GAS2: variants seen among roughly 807,000 people sequenced by gnomAD.
GAS2 encodes growth arrest-specific protein 2.
In GAS2, 20 loss-of-function variants were observed where a neutral mutation model predicts 37.5. The observed-to-expected ratio is 0.53, with a 90% CI of 0.37 to 0.77. GAS2 has a LOEUF of 0.77. Among genes scored for constraint, GAS2 ranks in the 30% least tolerant of loss-of-function variants. The pLI is 0.00. For missense variants in GAS2, 336 were observed against 373.4 expected, an observed-to-expected ratio of 0.90 and a Z score of 0.82; for synonymous variants, 144 against 132.2, an observed-to-expected ratio of 1.09 and a Z score of -0.61.
chr11:22,710,555 T>C (rs111794037), intron 3 of GAS2, among the ~76,000 whole-genome samples: 1 of 151,902 alleles, frequency 6.6e-6, no homozygotes, highest in African/African-American at 2.4e-5. Context: ...CCTAAGGAAG[T>C]TCCTCAACTG....
chr11:22,774,254 A>G (rs909159070), intron 7 of GAS2, among the ~76,000 whole-genome samples: 9 of 152,194 alleles, frequency 5.9e-5, no homozygotes, highest in Admixed American at 6.5e-5. Context: ...TCAGCCTCCC[A>G]AAGTCCTGGG....
upstream of GAS2, among the ~76,000 whole-genome samples, chr11:22,665,219 A>C (rs1248831646): frequency 6.6e-6 from 1 of 152,190 alleles, no homozygotes; most frequent in Non-Finnish European, 1.5e-5. Flanking sequence ...AATAGGATGT[A>C]AGATTTTGAA....
intron 7 of GAS2, among the ~76,000 whole-genome samples, chr11:22,779,046 T>G (rs1353907018): frequency 3.3e-5 from 3 of 90,442 alleles, no homozygotes; most frequent in East Asian, 2.8e-4. Flanking sequence ...AAGTTTTTTG[T>G]TTTTTTTTTT....
intron 7 of GAS2, among the ~76,000 whole-genome samples, chr11:22,788,288 A>G (rs1337724394): frequency 1.3e-5 from 2 of 152,196 alleles, no homozygotes; most frequent in Admixed American, 6.5e-5. Flanking sequence ...TCTTCCTTTG[A>G]CAGGAAAAGT....
intron 7 of GAS2, among the ~76,000 whole-genome samples, chr11:22,771,218 G>T (rs1182218560): frequency 6.6e-6 from 1 of 151,602 alleles, no homozygotes; most frequent in East Asian, 1.9e-4. Context: ...TACAATATTT[G>T]TTATTTTGTT....
At chr11:22,793,036 G>A (rs1856246026) in intron 7 of GAS2, among the ~76,000 whole-genome samples, 2 of 152,204 alleles carry the variant, frequency 1.3e-5, no homozygotes. Context: ...CACTTTGAGA[G>A]GCCAAGGTGG....
chr11:22,796,332 CT>C (rs1403968752), intron 7 of GAS2, among the ~76,000 whole-genome samples: 1 of 152,116 alleles, frequency 6.6e-6, no homozygotes, highest in Non-Finnish European at 1.5e-5. Flanking sequence ...CATTGTTTGG[CT>C]TGCTTCTTTT....
At position 22,812,856 on chromosome 11, in the gene GAS2, T is replaced by A. The variant is rs1055321; in HGVS notation, c.*840T>A. The stretch of plus-strand genomic sequence containing the variant: ...GTTAATCCTATTTTGCTATGCTTTC[T>A]AGTAAAGTAAATTCACTGTAGCTAA... On this transcript the variant is annotated 3_prime_UTR_variant, in exon 8 of 8. Transcript: ENST00000454584. The A allele has an allele frequency of 0.14, 20,686 of 152,606 alleles. 1,469 individuals carry two copies. Among genetic ancestry groups the A allele is most frequent in the Non-Finnish European group, 0.15 (10,085 of 67,970 alleles). The allele number at this position is 152,606 out of a possible 1,614,324, so 9.5% of individuals were successfully genotyped here.
At chr11:22,781,986 G>T (rs1855576472) in intron 7 of GAS2, among the ~76,000 whole-genome samples, 2 of 152,216 alleles carry the variant, frequency 1.3e-5, no homozygotes, top group Admixed American at 1.3e-4. Context: ...ATCAGTTGAT[G>T]GTCTGCATTT....
At chr11:22,803,076 T>TA (rs978284705) in intron 7 of GAS2, among the ~76,000 whole-genome samples, 1 of 152,154 alleles carries the variant, frequency 6.6e-6, no homozygotes, top group African/African-American at 2.4e-5. Context: ...TTCTCATTGT[T>TA]ACGTGTTGCA....
chr11:22,682,896 A>G (rs1247986882), intron 2 of GAS2, among the ~76,000 whole-genome samples: 2 of 144,164 alleles, frequency 1.4e-5, no homozygotes, highest in Non-Finnish European at 3.1e-5. Context: ...AGGAAAAAAA[A>G]AAAAAAAAGA....
rs1855653765 is a variant in GAS2, at chr11:22,783,220, T to A, written c.723+27267T>A. 3.1e-5 allele frequency among the ~76,000 whole-genome samples: 3 copies of A among 98,310 alleles called. No individual in the cohort carries two copies. In the South Asian group the frequency reaches 7.7e-4, roughly 25 times the overall value. The allele number at this position is 98,310 out of a possible 152,430, so 64.5% of individuals were successfully genotyped here. On this transcript the variant is annotated intron_variant, in intron 7 of 7. Coordinates refer to ENST00000454584, the MANE Select transcript of GAS2 (RefSeq NM_001143830.3). ...GTGATGATGAGCATTTTTTCATGTT[T>A]GTTAGCCATTGTTTGTCTTCTTTTG... is the stretch of plus-strand genomic sequence containing the variant.
chr11:22,753,456 T>A (rs1051612195), intron 6 of GAS2, among the ~76,000 whole-genome samples: 4 of 152,152 alleles, frequency 2.6e-5, no homozygotes, highest in African/African-American at 9.6e-5. Flanking sequence ...TTCTGTCTTT[T>A]GTCTAAGAAG....
At chr11:22,734,713 G>A (rs892676660) in intron 4 of GAS2, among the ~76,000 whole-genome samples, 1 of 151,588 alleles carries the variant, frequency 6.6e-6, no homozygotes, top group Non-Finnish European at 1.5e-5. Flanking sequence ...ATTATGAGGT[G>A]GGCACTATTG....
At position 22,653,003 on chromosome 11, in the gene GAS2, C is replaced by CTTTCTTTCTTTT. The variant is rs1323133633; in HGVS notation, c.-20-21836_-20-21835insTTTTCTTTCTTT. 7.7e-4 allele frequency among the ~76,000 whole-genome samples: 109 copies of CTTTCTTTCTTTT among 140,678 alleles called. 1 individual carries two copies. In the South Asian group the frequency reaches 8.3e-3, roughly 11 times the overall value. The allele number at this position is 140,678 out of a possible 152,430, so 92.3% of individuals were successfully genotyped here. ...TGTCTTTCTTTCTTTGTCTTTCTTT[C>CTTTCTTTCTTTT]TTTCTTTCTTTCTTTCTTTCTTTCT... is the stretch of plus-strand genomic sequence containing the variant. On this transcript the variant is annotated intron_variant, in intron 1 of 5. Transcript: ENST00000528582.
intron 6 of GAS2, among the ~76,000 whole-genome samples, chr11:22,754,794 T>C (rs114121160): frequency 0.011 from 1,611 of 152,262 alleles, 23 homozygotes; most frequent in African/African-American, 0.037. Flanking sequence ...GAAGGAATGA[T>C]TGCATTTCTT....
chr11:22,749,961 T>C (rs190093995), intron 6 of GAS2, among the ~76,000 whole-genome samples: 519 of 152,170 alleles, frequency 3.4e-3, no homozygotes, highest in Admixed American at 6.0e-3. Context: ...TTATGAAAAG[T>C]AGTGTGCTTG....
intron 7 of GAS2, among the ~76,000 whole-genome samples, chr11:22,805,414 G>A (rs1189110925): frequency 6.6e-6 from 1 of 151,994 alleles, no homozygotes; most frequent in Non-Finnish European, 1.5e-5. Context: ...AATTAAGGAA[G>A]AATACAATAT....
At chr11:22,647,910 A>G (rs538392947) in intron 1 of GAS2, among the ~76,000 whole-genome samples, 1 of 152,260 alleles carries the variant, frequency 6.6e-6, no homozygotes, top group East Asian at 1.9e-4. Flanking sequence ...TTTGCTGTGC[A>G]GAAGCTCTTG....
Sources: allele counts gnomAD v4.1 joint callset (sites outside exome capture counted in the v4.1 genomes callset), GRCh38; gene constraint gnomAD v4.1.1; transcripts MANE v1.5; gene names NCBI Gene and HGNC (gene_info 2026-07-23, HGNC 2026-07-21).